The following GLRA3 variants were observed in gnomAD, a reference collection of about 807,000 sequenced individuals.
GLRA3 encodes the protein glycine receptor subunit alpha-3.
A neutral mutation model predicts 60.4 loss-of-function variants in GLRA3; 44 were observed. The ratio of observed to expected loss-of-function variants is 0.73; its 90% CI spans 0.57 to 0.94. GLRA3 has a LOEUF of 0.94. Among genes scored for constraint, GLRA3 ranks in the 40% least tolerant of loss-of-function variants. The pLI, the probability that GLRA3 is intolerant of heterozygous loss-of-function variation, is 0.00. For synonymous variants in GLRA3, 223 were observed against 192.9 expected (o/e 1.16, Z -1.29); for missense variants, 508 against 564.6 (o/e 0.90, Z 1.02).
At chr4:174,775,076 G>T (rs1738544928) in intron 2 of GLRA3, among the ~76,000 whole-genome samples, 2 of 152,170 alleles carry the variant, frequency 1.3e-5, no homozygotes, top group Admixed American at 6.5e-5. Flanking sequence ...AAAATACAGG[G>T]TTTAGAATCT....
intron 4 of GLRA3, among the ~76,000 whole-genome samples, chr4:174,716,036 C>T (rs913720589): frequency 1.3e-5 from 2 of 152,092 alleles, no homozygotes; most frequent in African/African-American, 2.4e-5. Flanking sequence ...AAATCACATG[C>T]TATATTCCAG....
chr4:174,816,328 T>A (rs1310485595), intron 1 of GLRA3, among the ~76,000 whole-genome samples: 2 of 152,212 alleles, frequency 1.3e-5, no homozygotes, highest in Non-Finnish European at 2.9e-5. Flanking sequence ...CCCAACTGGA[T>A]GAAACGTCCA....
At chr4:174,790,990 C>T (rs1301533904) in intron 1 of GLRA3, among the ~76,000 whole-genome samples, 4 of 138,388 alleles carry the variant, frequency 2.9e-5, no homozygotes, top group African/African-American at 1.1e-4. Context: ...GACCACACAG[C>T]GAGACTCCAT....
At chr4:174,716,602 A>C (rs1735926770) in intron 4 of GLRA3, among the ~76,000 whole-genome samples, 2 of 152,140 alleles carry the variant, frequency 1.3e-5, no homozygotes, top group Non-Finnish European at 2.9e-5. Context: ...CTTCATGAGC[A>C]CCCTAGGTGG....
intron 5 of GLRA3, among the ~76,000 whole-genome samples, chr4:174,689,517 T>C (rs906732308): frequency 6.6e-6 from 1 of 151,890 alleles, no homozygotes; most frequent in Non-Finnish European, 1.5e-5. Context: ...AGAGTATCCA[T>C]TACCCAAATA....
chr4:174,742,147 A>G (rs11733285), intron 3 of GLRA3, among the ~76,000 whole-genome samples: 39,959 of 152,020 alleles, frequency 0.26, 6,265 homozygotes, highest in East Asian at 0.51. Context: ...AAATTTTAAG[A>G]AATCTTATTT....
At chr4:174,669,252 AAGAC>A (rs1733811264) in intron 7 of GLRA3, among the ~76,000 whole-genome samples, 1 of 152,132 alleles carries the variant, frequency 6.6e-6, no homozygotes, top group South Asian at 2.1e-4. Context: ...AAACTTCATT[AAGAC>A]CTAAAGCCAG....
chr4:174,813,033 G>C (rs1740333253), intron 1 of GLRA3, among the ~76,000 whole-genome samples: 1 of 152,090 alleles, frequency 6.6e-6, no homozygotes, highest in African/African-American at 2.4e-5. Flanking sequence ...AAAAAGGCTA[G>C]CTATTTTCAA....
Position 174,810,617 on chromosome 4 carries a change from A to G in GLRA3, c.71+18124T>C, listed in dbSNP as rs533722692. Among the ~76,000 whole-genome samples, 148 of 152,230 alleles carry G rather than the reference A, an allele frequency of 9.7e-4. 1 individual carries two copies. The highest frequency in any genetic ancestry group is 3.2e-3 in the African/African-American group (131 of 41,562). On this transcript the variant is annotated intron_variant, in intron 1 of 9. Coordinates refer to ENST00000274093, the MANE Select transcript of GLRA3 (RefSeq NM_006529.4). The stretch of plus-strand genomic sequence containing the variant: ...ATTTATCCAAAATATTTGGATTTTT[A>G]TATTGAAGACATAATTATGTATTAC...
chr4:174,647,823 A>G (rs1732884277), intron 9 of GLRA3, among the ~76,000 whole-genome samples: 1 of 152,120 alleles, frequency 6.6e-6, no homozygotes, highest in African/African-American at 2.4e-5. Flanking sequence ...AGTCCTTGAA[A>G]CCTGGCATGT....
intron 9 of GLRA3, among the ~76,000 whole-genome samples, chr4:174,651,122 G>A (rs79646364): frequency 0.011 from 1,719 of 152,226 alleles, 32 homozygotes; most frequent in African/African-American, 0.039. Context: ...CTTTATATTA[G>A]CTTGGGCTTC....
intron 4 of GLRA3, among the ~76,000 whole-genome samples, chr4:174,718,865 G>T (rs1736025951): frequency 2.0e-5 from 3 of 150,994 alleles, no homozygotes; most frequent in Middle Eastern, 3.2e-3. Flanking sequence ...TAGAGATGAG[G>T]AAACTTAGAG....
intron 3 of GLRA3, among the ~76,000 whole-genome samples, chr4:174,731,442 A>G (rs1736541082): frequency 6.6e-6 from 1 of 152,178 alleles, no homozygotes. Flanking sequence ...GAAGAAGAAA[A>G]AGGGCCTTGT....
chr4:174,824,639 T>C (rs1481819021), intron 1 of GLRA3, among the ~76,000 whole-genome samples: 2 of 152,308 alleles, frequency 1.3e-5, no homozygotes, highest in East Asian at 3.9e-4. Flanking sequence ...CCCAATCACA[T>C]ACTATATATC....
In GLRA3 at chr4:174,659,286, A is replaced by G. The variant is rs191819635; in HGVS notation, c.928-89T>C. On this transcript the variant is annotated intron_variant, in intron 7 of 9. Coordinates refer to ENST00000274093, the MANE Select transcript of GLRA3 (RefSeq NM_006529.4). ...AACTGAGTTTTTCTGATTCTGAATTATGTCATTTATACATAAGTTTTAAAA... is the reference window on the plus strand; with the variant it reads ...AACTGAGTTTTTCTGATTCTGAATTGTGTCATTTATACATAAGTTTTAAAA... The G allele has an allele frequency of 5.3e-4, 488 of 913,130 alleles. 3 individuals carry two copies. The African/African-American group carries it at 7.5e-3, about 14-fold the overall frequency. The allele number at this position is 913,130 out of a possible 1,614,324, so 56.6% of individuals were successfully genotyped here.
chr4:174,655,228 TG>T (rs982666260), intron 9 of GLRA3, among the ~76,000 whole-genome samples: 4 of 152,176 alleles, frequency 2.6e-5, no homozygotes, highest in African/African-American at 9.6e-5. Context: ...TTACTCAGAC[TG>T]TTTCTAAGCA....
chr4:174,647,556 C>T (rs1366066925), intron 9 of GLRA3, among the ~76,000 whole-genome samples: 2 of 152,136 alleles, frequency 1.3e-5, no homozygotes, highest in Non-Finnish European at 2.9e-5. Flanking sequence ...TTAATCTTCC[C>T]TTCTGCAACT....
Position 174,643,123 on chromosome 4 carries a change from TAGA to T in GLRA3, c.*660_*662del. 1 of 904,426 alleles carries T rather than the reference TAGA, an allele frequency of 1.1e-6. No individual in the cohort carries two copies. Among genetic ancestry groups the T allele is most frequent in the Non-Finnish European group, 1.3e-6 (1 of 757,054 alleles). The allele number at this position is 904,426 out of a possible 1,614,324, so 56.0% of individuals were successfully genotyped here. On this transcript the variant is annotated 3_prime_UTR_variant, in exon 10 of 10. Coordinates refer to ENST00000274093, the MANE Select transcript of GLRA3 (RefSeq NM_006529.4). The stretch of plus-strand genomic sequence containing the variant: ...CTAGAGATACAAAGTTTAAGAAAAG[TAGA>T]TTGTGACTGTAACACGATCTCTTGT...
In GLRA3 at chr4:174,659,176, C is replaced by G. The variant is rs763195630; in HGVS notation, c.949G>C (p.Asp317His). 14 of 1,612,008 alleles carry G rather than the reference C, an allele frequency of 8.7e-6. No homozygotes were observed. Among genetic ancestry groups the G allele is most frequent in the Non-Finnish European group, 1.1e-5 (13 of 1,178,928 alleles). Residue 317 changes from aspartate (D) to histidine (H), a missense_variant, in exon 8 of 10, where the codon GAT becomes CAT. Asp to His is a moderately conservative substitution (Grantham distance 81, BLOSUM62 -1). This residue lies in a region of GLRA3 where 176 missense variants were observed against 197.9 expected (regional missense o/e 0.89). Transcript: ENST00000274093. ...AGGAGGCATACTGCCATCCAAATAT[C>G]AATAGCTTTGACATATGAAACCTAG... Reference protein sequence around the residue: ...LPKVSYVKAIDIWMAVCLLFV... With the variant: ...LPKVSYVKAIHIWMAVCLLFV...
Sources: gnomAD v4.1 joint callset for allele counts (sites outside exome capture counted in the v4.1 genomes callset) on GRCh38, gnomAD v4.1.1 for gene constraint, gnomAD v4.1.1 regional missense constraint, MANE v1.5 for transcripts, NCBI Gene and HGNC (gene_info 2026-07-23, HGNC 2026-07-21) for gene names.